NOX4: variants seen among roughly 807,000 people sequenced by gnomAD.
NOX4 encodes NADPH oxidase 4.
A neutral mutation model predicts 87.6 loss-of-function variants in NOX4; 69 were observed. The observed-to-expected ratio is 0.79, with a 90% CI of 0.65 to 0.96. The LOEUF is 0.96. Ranked by LOEUF, NOX4 falls within the 40% of genes least tolerant of loss-of-function variation. The pLI is 0.00. For missense variants in NOX4, 680 were observed against 681.5 expected, an observed-to-expected ratio of 1.00 and a Z score of 0.02; for synonymous variants, 275 against 238.2, an observed-to-expected ratio of 1.15 and a Z score of -1.42.
the NOX4 span, among the ~76,000 whole-genome samples, chr11:89,527,524 T>C: frequency 6.6e-6 from 1 of 152,198 alleles, no homozygotes. Context: ...TTTTGTGGGC[T>C]GGGCACAGGG....
At chr11:89,339,965 G>T in intron 15 of NOX4, 98 bp downstream of exon 15, 4 of 588,462 alleles carry the variant, frequency 6.8e-6, no homozygotes, top group South Asian at 5.8e-5. Flanking sequence ...TAATTTCTAT[G>T]GTTTATTCTA....
At chr11:89,435,386 T>G (rs1312133686) in intron 6 of NOX4, among the ~76,000 whole-genome samples, 2 of 152,056 alleles carry the variant, frequency 1.3e-5, no homozygotes, top group African/African-American at 4.8e-5. Context: ...GCAAATTACT[T>G]CATCGAAAGA....
At chr11:89,359,874 G>A (rs1487987286) in intron 12 of NOX4, among the ~76,000 whole-genome samples, 1 of 152,010 alleles carries the variant, frequency 6.6e-6, no homozygotes, top group Admixed American at 6.6e-5. Context: ...AAAGGTACTT[G>A]AACAGAAGTT....
intron 8 of NOX4, 72 bp downstream of exon 8, chr11:89,421,830 C>T: frequency 1.2e-6 from 1 of 849,020 alleles, no homozygotes. Flanking sequence ...TATGAAATTT[C>T]CTATAGAGTT....
At chr11:89,406,968 G>T (rs2135208256) in intron 8 of NOX4, among the ~76,000 whole-genome samples, 1 of 152,100 alleles carries the variant, frequency 6.6e-6, no homozygotes, top group South Asian at 2.1e-4. Flanking sequence ...GAGAATAGGA[G>T]AATGGCATTC....
chr11:89,429,972 C>T (rs989262168), intron 7 of NOX4, among the ~76,000 whole-genome samples: 5 of 152,050 alleles, frequency 3.3e-5, no homozygotes, highest in Admixed American at 6.5e-5. Flanking sequence ...ACTGGCAAAC[C>T]GAATCCAGCA....
chr11:89,363,137 A>G (rs1197080548), intron 12 of NOX4, among the ~76,000 whole-genome samples: 2 of 152,128 alleles, frequency 1.3e-5, no homozygotes, highest in Non-Finnish European at 2.9e-5. Context: ...AGTTTGGAAT[A>G]GAACAGTCAA....
the NOX4 span, among the ~76,000 whole-genome samples, chr11:89,569,737 C>G: frequency 6.6e-6 from 1 of 152,126 alleles, no homozygotes; most frequent in Non-Finnish European, 1.5e-5. Context: ...GGTGCAGTGG[C>G]TCACACCTGT....
chr11:89,372,548 C>T (rs1939523393), intron 12 of NOX4, among the ~76,000 whole-genome samples: 1 of 151,882 alleles, frequency 6.6e-6, no homozygotes, highest in South Asian at 2.1e-4. Context: ...AACACTGTGA[C>T]TTTCACTTAA....
intron 15 of NOX4, 22 bp downstream of exon 15, chr11:89,340,041 C>G (rs770323238): frequency 7.3e-7 from 1 of 1,363,588 alleles, no homozygotes; most frequent in South Asian, 1.5e-5. Context: ...AATTGCAAAA[C>G]TAGAACCAAC....
chr11:89,399,812 T>C (rs1941720998), intron 11 of NOX4, among the ~76,000 whole-genome samples: 1 of 151,892 alleles, frequency 6.6e-6, no homozygotes, highest in South Asian at 2.1e-4. Context: ...CATTACTTCC[T>C]GAATTGCAAG....
At chr11:89,356,068 A>C (rs1472348121) in intron 12 of NOX4, among the ~76,000 whole-genome samples, 1 of 152,176 alleles carries the variant, frequency 6.6e-6, no homozygotes, top group East Asian at 1.9e-4. Context: ...ATGTAACAGA[A>C]CATAATTTTT....
At chr11:89,400,144 C>A in intron 10 of NOX4, 65 bp from the exon 11 acceptor site, 4 of 1,575,308 alleles carry the variant, frequency 2.5e-6, no homozygotes, top group South Asian at 2.3e-5. Context: ...TTCAATGATG[C>A]TATGTTTGCT....
chr11:89,425,141 A>G (rs1943306486), intron 7 of NOX4, among the ~76,000 whole-genome samples: 1 of 152,006 alleles, frequency 6.6e-6, no homozygotes, highest in South Asian at 2.1e-4. Flanking sequence ...TTTTCCTTCA[A>G]GAATTCCTAA....
chr11:89,496,485 G>T (rs1946952332), upstream of NOX4, among the ~76,000 whole-genome samples: 1 of 151,500 alleles, frequency 6.6e-6, no homozygotes, highest in Non-Finnish European at 1.5e-5. Flanking sequence ...AAAAAACATG[G>T]TAATCATTTC....
At chr11:89,520,253 A>G in the NOX4 span, among the ~76,000 whole-genome samples, 1 of 152,082 alleles carries the variant, frequency 6.6e-6, no homozygotes, top group Non-Finnish European at 1.5e-5. Flanking sequence ...CTATATGTAA[A>G]GATGTATAAT....
At chr11:89,408,765 C>T (rs755671390) in intron 8 of NOX4, among the ~76,000 whole-genome samples, 4 of 152,112 alleles carry the variant, frequency 2.6e-5, no homozygotes, top group Non-Finnish European at 5.9e-5. Context: ...GCAGGTGCAC[C>T]GGACCTTGCT....
intron 17 of NOX4, among the ~76,000 whole-genome samples, chr11:89,333,110 T>G (rs1009709119): frequency 6.6e-6 from 1 of 151,842 alleles, no homozygotes; most frequent in Non-Finnish European, 1.5e-5. Flanking sequence ...ACAGCACTAT[T>G]TTTAACTGTA....
intron 3 of NOX4, among the ~76,000 whole-genome samples, chr11:89,450,153 T>C (rs889206725): frequency 1.3e-5 from 2 of 152,146 alleles, no homozygotes. Context: ...ACTTATCTTC[T>C]CTTTCTCCAA....
Sources: allele counts gnomAD v4.1 joint callset (sites outside exome capture counted in the v4.1 genomes callset), GRCh38; gene constraint gnomAD v4.1.1; transcripts MANE v1.5; gene names NCBI Gene and HGNC (gene_info 2026-07-23, HGNC 2026-07-21).